Variants in ABL1 observed in about 807,000 individuals in gnomAD.
ABL1 encodes tyrosine-protein kinase ABL1.
A neutral mutation model predicts 94.7 loss-of-function variants in ABL1; 11 were observed. The observed-to-expected ratio is 0.12, with a 90% CI of 0.07 to 0.19. ABL1 has a LOEUF of 0.19. ABL1 is among the 10% of genes least tolerant of loss of function. The pLI is 1.00. For synonymous variants in ABL1, 656 were observed against 622.4 expected (o/e 1.05, Z -0.80); for missense variants, 1,082 against 1,489.4 (o/e 0.73, Z 4.50).
At chr9:130,859,677 C>CTT (rs869234280) in intron 3 of ABL1, among the ~76,000 whole-genome samples, 1,003 of 78,338 alleles carry the variant, frequency 0.013, 105 homozygotes, top group Non-Finnish European at 0.015. Context: ...TCTTTCTTTC[C>CTT]TTTTTTTTTT....
intron 4 of ABL1, among the ~76,000 whole-genome samples, chr9:130,868,707 G>A (rs1017645321): frequency 3.3e-5 from 5 of 151,460 alleles, no homozygotes; most frequent in African/African-American, 1.2e-4. Context: ...TTTTAGTAGA[G>A]ACACGGTTTC....
chr9:130,753,725 C>A (rs556036792), intron 1 of ABL1, among the ~76,000 whole-genome samples: 1 of 151,808 alleles, frequency 6.6e-6, no homozygotes, highest in African/African-American at 2.4e-5. Context: ...CATGCCAGGC[C>A]TCATCTCCTC....
rs758711262 is a variant in ABL1 at position 130,884,444 on chromosome 9, C to T, written c.2154C>T (p.Ser718=). The change falls in exon 11 of 11, where the codon TCC becomes TCT. Residue 718 remains serine, a synonymous_variant. Coordinates refer to ENST00000318560, the MANE Select transcript of ABL1 (RefSeq NM_005157.6). This position sits in a 1 kb window ranked among gnomAD's most constrained non-coding sequence, Gnocchi z 5.6. ...SSSKRFLRSC[S]ASCVPHGAKD... is the part of the protein sequence containing the mutation. ...GCAAGCGCTTCCTGCGCTCTTGCTC[C>T]GCCTCCTGCGTTCCCCATGGGGCCA... is the stretch of plus-strand genomic sequence containing the variant. The T allele has an allele frequency of 1.3e-5, 21 of 1,612,494 alleles. No individual in the cohort carries two copies. Among genetic ancestry groups the T allele is most frequent in the South Asian group, 6.6e-5 (6 of 91,082 alleles).
At position 130,884,175 on chromosome 9, in the gene ABL1, G is replaced by T; in HGVS notation, c.1885G>T (p.Glu629Ter). 1 of 1,612,746 alleles carries T rather than the reference G, an allele frequency of 6.2e-7. No homozygotes were observed. Among genetic ancestry groups the T allele is most frequent in the Non-Finnish European group, 8.5e-7 (1 of 1,179,818 alleles). ...SSFREMDGQP[E>*]RRGAGEEEGR... ...CTTCCGGGAGATGGACGGCCAGCCGGAGCGCAGAGGGGCCGGCGAGGAAGA... is the reference window on the plus strand; with the variant it reads ...CTTCCGGGAGATGGACGGCCAGCCGTAGCGCAGAGGGGCCGGCGAGGAAGA... The change falls in exon 11 of 11, where the codon GAG becomes TAG. Residue 629 changes from glutamate to a stop codon, truncating the protein, a stop_gained. Transcript: ENST00000318560. LOFTEE classifies it high-confidence loss of function. The surrounding 1 kb of genome is among the most constrained non-coding windows in gnomAD (Gnocchi z 5.6).
At position 130,728,302 on chromosome 9, in the gene ABL1, A is replaced by G. The variant is rs192495598; in HGVS notation, c.136+13847A>G. On this transcript the variant is annotated intron_variant, in intron 1 of 10. Transcript: ENST00000372348. ...AGGCTGGTCTTGAACTCCTGAGCTC[A>G]AGCAATCTGCCCTCCTACGCCTCCC... 3.1e-3 allele frequency among the ~76,000 whole-genome samples: 446 copies of G among 144,224 alleles called. 2 individuals are homozygous for G. Among genetic ancestry groups the G allele is most frequent in the Non-Finnish European group, 4.8e-3 (325 of 67,350 alleles). 94.6% of individuals were successfully genotyped at this position (144,224 alleles called of 152,430 possible). A position where few individuals can be genotyped will look rare whatever the true frequency, so the allele number is the denominator to read the frequency against.
At chr9:130,774,785 G>A (rs1832292909) in intron 1 of ABL1, among the ~76,000 whole-genome samples, 2 of 152,054 alleles carry the variant, frequency 1.3e-5, no homozygotes, top group Admixed American at 6.6e-5. Flanking sequence ...GGTTGAAGCC[G>A]AAGCTGAGAT....
At position 130,813,404 on chromosome 9, in the gene ABL1, A is replaced by G. The variant is rs554026148; in HGVS notation, c.137-40660A>G. On this transcript the variant is annotated intron_variant, in intron 1 of 10. Coordinates refer to the ABL1 transcript ENST00000372348. ...GTGAAACCCCTTCTCTACTAAAAAT[A>G]CAAAAAATCAGCTGGGCATGGTGGC... Among the ~76,000 whole-genome samples the G allele has an allele frequency of 2.6e-5, 4 of 151,162 alleles. No individual in the cohort carries two copies. The South Asian group carries it at 8.4e-4, about 32-fold the overall frequency.
chr9:130,885,366 G>T lies in ABL1; in HGVS notation c.3076G>T (p.Ala1026Ser), dbSNP rs769680358. ...GCCTCCAGAGCGGATCGCCAGCGGCGCCATCACCAAGGGCGTGGTCCTGGA... is the reference window on the plus strand; with the variant it reads ...GCCTCCAGAGCGGATCGCCAGCGGCTCCATCACCAAGGGCGTGGTCCTGGA... ...RQPPERIASG[A>S]ITKGVVLDST... Residue 1026 changes from alanine to serine, a missense_variant, in exon 11 of 11, where the codon GCC (alanine) becomes TCC (serine). Physicochemically the swap from Ala to Ser is moderately conservative, Grantham distance 99. Transcript: ENST00000318560. 2 of 1,613,618 alleles carry T rather than the reference G, an allele frequency of 1.2e-6. No homozygotes were observed. The highest frequency in any genetic ancestry group is 2.2e-5 in the East Asian group (1 of 44,862).
chr9:130,755,695 T>C (rs1255644705), intron 1 of ABL1, among the ~76,000 whole-genome samples: 1 of 152,192 alleles, frequency 6.6e-6, no homozygotes, highest in African/African-American at 2.4e-5. Flanking sequence ...GTTTTCCATC[T>C]TGGAAAAACC....
intron 1 of ABL1, among the ~76,000 whole-genome samples, chr9:130,809,956 T>A (rs1291131627): frequency 6.6e-6 from 1 of 152,184 alleles, no homozygotes; most frequent in Non-Finnish European, 1.5e-5. Flanking sequence ...TCAAACCTTT[T>A]CCAAACAAAA....
chr9:130,820,457 C>T (rs774275454), intron 1 of ABL1, among the ~76,000 whole-genome samples: 1 of 152,228 alleles, frequency 6.6e-6, no homozygotes, highest in African/African-American at 2.4e-5. Context: ...TTATTTGAGT[C>T]AACCTGTATT....
At chr9:130,831,182 A>G (rs1462728623), upstream of ABL1, among the ~76,000 whole-genome samples, 1 of 152,130 alleles carries the variant, frequency 6.6e-6, no homozygotes, top group Non-Finnish European at 1.5e-5. Context: ...CCCTAAAGCT[A>G]CTAGCTATGC....
chr9:130,744,192 G>T (rs143873445), intron 1 of ABL1, among the ~76,000 whole-genome samples: 3,184 of 151,432 alleles, frequency 0.021, 60 homozygotes, highest in Middle Eastern at 0.054. Context: ...GCTAGGCTGG[G>T]GTGCAGTGGC....
chr9:130,859,682 T>TTC (rs1831036290), intron 3 of ABL1, among the ~76,000 whole-genome samples: 1 of 103,198 alleles, frequency 9.7e-6, no homozygotes, highest in Non-Finnish European at 1.9e-5. Context: ...CTTTCCTTTT[T>TTC]TTTTTTTTTT....
chr9:130,785,787 G>A (rs919580139), intron 1 of ABL1, among the ~76,000 whole-genome samples: 1 of 151,864 alleles, frequency 6.6e-6, no homozygotes, highest in Non-Finnish European at 1.5e-5. Flanking sequence ...GCTGGGCATG[G>A]TGGTGCATGC....
intron 7 of ABL1, among the ~76,000 whole-genome samples, chr9:130,876,498 A>G (rs1034458399): frequency 4.0e-5 from 6 of 149,640 alleles, no homozygotes; most frequent in African/African-American, 1.5e-4. Context: ...GCTCACTGCA[A>G]CCTCCGCCTA....
At chr9:130,729,527 C>T (rs1482165853) in intron 1 of ABL1, among the ~76,000 whole-genome samples, 1 of 152,142 alleles carries the variant, frequency 6.6e-6, no homozygotes, top group East Asian at 1.9e-4. Flanking sequence ...GGGAAGGTGC[C>T]CCAGGCAGGA....
At chr9:130,860,130 CT>C (rs200084600) in intron 3 of ABL1, among the ~76,000 whole-genome samples, 1,863 of 152,272 alleles carry the variant, frequency 0.012, 44 homozygotes, top group African/African-American at 0.038. Context: ...ACTTTCTTCC[CT>C]GAACATGCCA....
chr9:130,764,153 G>A (rs868610679), intron 1 of ABL1, among the ~76,000 whole-genome samples: 1 of 152,140 alleles, frequency 6.6e-6, no homozygotes, highest in East Asian at 1.9e-4. Flanking sequence ...ACAGCAAGGC[G>A]GGCCAGGGTC....
Sources: gnomAD v4.1 joint callset for allele counts (sites outside exome capture counted in the v4.1 genomes callset) on GRCh38, gnomAD v4.1.1 for gene constraint, Gnocchi (gnomAD v3.1) non-coding constraint, MANE v1.5 for transcripts, NCBI Gene and HGNC (gene_info 2026-07-23, HGNC 2026-07-21) for gene names.